Variants in DACH2 observed in about 807,000 individuals in gnomAD.
DACH2 encodes dachshund family transcription factor 2, also known as dachshund homolog 2.
In DACH2, 17 loss-of-function variants were observed where a neutral mutation model predicts 35.8. The observed-to-expected ratio is 0.48, with a 90% CI of 0.33 to 0.71. The LOEUF (loss-of-function observed/expected upper bound fraction) is 0.71. DACH2 is among the 30% of genes least tolerant of loss of function. The probability of loss-of-function intolerance (pLI) is 0.02; values close to 1 mark genes in which losing one functional copy is unlikely to be tolerated. For synonymous variants in DACH2, 195 were observed against 177.3 expected, an observed-to-expected ratio of 1.10 and a Z score of -0.79; for missense variants, 469 against 472.7, an observed-to-expected ratio of 0.99 and a Z score of 0.07.
intron 1 of DACH2, among the ~76,000 whole-genome samples, chrX:86,328,582 A>G (rs1227609539): frequency 1.8e-5 from 2 of 111,761 alleles, no homozygotes; most frequent in Admixed American, 1.9e-4. Flanking sequence ...AGTTGGAAAA[A>G]GCAACAAAAA....
intron 2 of DACH2, among the ~76,000 whole-genome samples, chrX:86,434,114 G>A (rs1317849883): frequency 8.9e-6 from 1 of 111,937 alleles, no homozygotes; most frequent in African/African-American, 3.2e-5. Flanking sequence ...TTAACAAGGA[G>A]GATTTCATTC....
At chrX:86,257,615 C>G (rs1490310643) in intron 1 of DACH2, among the ~76,000 whole-genome samples, 1 of 111,076 alleles carries the variant, frequency 9.0e-6, no homozygotes, top group African/African-American at 3.3e-5. Context: ...ACTATATTTC[C>G]CAGGCTGGTC....
chrX:86,407,136 C>T (rs2036539431), intron 2 of DACH2, among the ~76,000 whole-genome samples: 1 of 111,635 alleles, frequency 9.0e-6, no homozygotes, highest in African/African-American at 3.3e-5. Flanking sequence ...ACAGTGAACT[C>T]ATGAAGAATA....
At chrX:86,308,480 A>G (rs779896428) in intron 1 of DACH2, among the ~76,000 whole-genome samples, 1 of 112,238 alleles carries the variant, frequency 8.9e-6, no homozygotes, top group Admixed American at 9.4e-5. Flanking sequence ...CTGCATTCCC[A>G]CTTAAATTAT....
At chrX:86,336,222 G>A (rs777133461) in intron 1 of DACH2, among the ~76,000 whole-genome samples, 3 of 112,072 alleles carry the variant, frequency 2.7e-5, no homozygotes, top group Non-Finnish European at 5.6e-5. Flanking sequence ...TTTTGTGTGT[G>A]TCTCTGCCAG....
intron 3 of DACH2, among the ~76,000 whole-genome samples, chrX:86,518,226 G>C (rs1718294323): frequency 9.0e-6 from 1 of 111,673 alleles, no homozygotes; most frequent in African/African-American, 3.3e-5. Context: ...CATTATTTCT[G>C]GGTGCTCCAA....
At chrX:86,733,594 C>T (rs184908814) in intron 6 of DACH2, among the ~76,000 whole-genome samples, 3 of 111,735 alleles carry the variant, frequency 2.7e-5, no homozygotes, top group African/African-American at 9.7e-5. Flanking sequence ...ATTCTATTCC[C>T]TGTTTGACAT....
intron 3 of DACH2, among the ~76,000 whole-genome samples, chrX:86,557,153 C>G (rs760208106): frequency 9.0e-6 from 1 of 110,648 alleles, no homozygotes; most frequent in Non-Finnish European, 1.9e-5. Flanking sequence ...TATCTTGGCC[C>G]TCAGAGGATG....
chrX:86,290,742 G>A (rs1358401457), intron 1 of DACH2, among the ~76,000 whole-genome samples: 1 of 95,975 alleles, frequency 1.0e-5, no homozygotes, highest in African/African-American at 4.1e-5. Context: ...TAGATATGCA[G>A]CATTATTTCT....
At chrX:86,250,953 T>C (rs1263524256) in intron 1 of DACH2, among the ~76,000 whole-genome samples, 1 of 111,140 alleles carries the variant, frequency 9.0e-6, no homozygotes, top group Non-Finnish European at 1.9e-5. Context: ...AAAATAAAGT[T>C]CAGCCTACCT....
intron 7 of DACH2, among the ~76,000 whole-genome samples, chrX:86,782,665 C>A (rs1011703019): frequency 1.8e-5 from 2 of 111,785 alleles, no homozygotes; most frequent in Admixed American, 1.9e-4. Context: ...AAAACACATT[C>A]TTTTCAATAA....
chrX:86,741,676 C>T (rs1386858455), intron 7 of DACH2, among the ~76,000 whole-genome samples: 4 of 111,320 alleles, frequency 3.6e-5, no homozygotes, highest in African/African-American at 1.3e-4. Flanking sequence ...AAATGAGTGA[C>T]CGCTAATGAA....
chrX:86,618,092 A>G (rs1054185602), intron 3 of DACH2, among the ~76,000 whole-genome samples: 37 of 111,424 alleles, frequency 3.3e-4, no homozygotes, highest in Non-Finnish European at 5.1e-4. Flanking sequence ...CCTGGGCTAC[A>G]CAGATAAACA....
At chrX:86,274,315 A>T (rs1056957468) in intron 1 of DACH2, among the ~76,000 whole-genome samples, 1 of 110,926 alleles carries the variant, frequency 9.0e-6, no homozygotes, top group African/African-American at 3.3e-5. Context: ...CCAAAACTTT[A>T]TGGAAATGAT....
intron 1 of DACH2, among the ~76,000 whole-genome samples, chrX:86,360,750 C>T (rs1385878233): frequency 9.1e-6 from 1 of 110,392 alleles, no homozygotes. Flanking sequence ...AAATGGTTTC[C>T]CAGACAAACA....
chrX:86,770,824 A>G (rs1996461), intron 7 of DACH2, among the ~76,000 whole-genome samples: 23,645 of 111,586 alleles, frequency 0.21, 1,912 homozygotes, highest in East Asian at 0.47. Context: ...TTAATGTGGT[A>G]ACACCTAATA....
intron 5 of DACH2, among the ~76,000 whole-genome samples, chrX:86,711,343 T>C (rs1271225319): frequency 8.9e-6 from 1 of 111,781 alleles, no homozygotes; most frequent in Non-Finnish European, 1.9e-5. Flanking sequence ...TCCACTGCAC[T>C]TCAGCCTGGA....
intron 7 of DACH2, 51 bp from the exon 8 acceptor site, chrX:86,812,805 C>T (rs774508631): frequency 8.6e-6 from 9 of 1,041,029 alleles, no homozygotes; most frequent in Non-Finnish European, 1.0e-5. Context: ...CTTAGTGAGA[C>T]TTTTGAGCTC....
chrX:86,310,553 T>C (rs1176151762), intron 1 of DACH2, among the ~76,000 whole-genome samples: 5 of 111,634 alleles, frequency 4.5e-5, no homozygotes, highest in Non-Finnish European at 9.4e-5. Flanking sequence ...AGGACCGTGG[T>C]GAAGGGAAAT....
Sources: gnomAD v4.1 joint callset for allele counts (sites outside exome capture counted in the v4.1 genomes callset) on GRCh38, gnomAD v4.1.1 for gene constraint, MANE v1.5 for transcripts, NCBI Gene and HGNC (gene_info 2026-07-23, HGNC 2026-07-21) for gene names.